FCHSD2: variants seen among roughly 807,000 people sequenced by gnomAD.
FCHSD2 encodes the protein F-BAR and double SH3 domains protein 2.
A neutral mutation model predicts 108.1 loss-of-function variants in FCHSD2; 38 were observed. That is an observed-to-expected ratio of 0.35 (90% CI 0.27 to 0.46). The LOEUF (loss-of-function observed/expected upper bound fraction) is 0.46, where lower values mean the gene tolerates loss of function less well. Ranked by LOEUF, FCHSD2 falls within the 20% of genes least tolerant of loss-of-function variation. The pLI is 1.00. For missense variants in FCHSD2, 751 were observed against 897.8 expected (o/e 0.84, Z 2.09); for synonymous variants, 279 against 314.7 (o/e 0.89, Z 1.20).
chr11:72,962,700 A>C (rs994263916), intron 8 of FCHSD2, among the ~76,000 whole-genome samples: 22 of 152,130 alleles, frequency 1.4e-4, no homozygotes, highest in Admixed American at 1.2e-3. Context: ...ATGGTTAAAC[A>C]AATAGCTTTG....
chr11:72,940,942 CA>C, intron 8 of FCHSD2: 1 of 775,896 alleles, frequency 1.3e-6, no homozygotes, highest in Non-Finnish European at 2.3e-6. Context: ...TCCTGACACC[CA>C]ATGGATCACC....
intron 13 of FCHSD2, among the ~76,000 whole-genome samples, chr11:72,859,268 T>G (rs1861509556): frequency 6.6e-6 from 1 of 152,210 alleles, no homozygotes; most frequent in African/African-American, 2.4e-5. Flanking sequence ...CATTTTAGTG[T>G]TTCAGTCTGT....
chr11:72,973,711 C>G (rs1214162140), intron 8 of FCHSD2, among the ~76,000 whole-genome samples: 1 of 152,142 alleles, frequency 6.6e-6, no homozygotes, highest in Non-Finnish European at 1.5e-5. Flanking sequence ...TTATTATTTT[C>G]AGCATATTTA....
At chr11:72,900,668 A>C (rs1322835925) in intron 10 of FCHSD2, among the ~76,000 whole-genome samples, 1 of 33,180 alleles carries the variant, frequency 3.0e-5, no homozygotes, top group Non-Finnish European at 5.5e-5. Context: ...GCAAAAGCTG[A>C]TTTGATTAAA....
intron 1 of FCHSD2, among the ~76,000 whole-genome samples, chr11:73,140,371 G>C (rs1861218115): frequency 6.6e-6 from 1 of 152,138 alleles, no homozygotes; most frequent in Non-Finnish European, 1.5e-5. Context: ...CTAAAGACGT[G>C]CAAAATAAAC....
intron 8 of FCHSD2, among the ~76,000 whole-genome samples, chr11:72,933,839 T>C (rs1375036134): frequency 1.3e-5 from 2 of 152,166 alleles, no homozygotes; most frequent in African/African-American, 2.4e-5. Context: ...CTGGGTACAG[T>C]GGCTCATGCC....
chr11:72,978,080 A>G (rs1272502826), intron 8 of FCHSD2, among the ~76,000 whole-genome samples: 8 of 151,546 alleles, frequency 5.3e-5, no homozygotes, highest in African/African-American at 1.5e-4. Flanking sequence ...CAAACACCAC[A>G]TGTTCTCACT....
At chr11:73,057,671 T>G (rs1859058626) in intron 3 of FCHSD2, among the ~76,000 whole-genome samples, 1 of 152,016 alleles carries the variant, frequency 6.6e-6, no homozygotes, top group Admixed American at 6.6e-5. Context: ...ATGCCAAGAC[T>G]CCCAGTTTAT....
intron 8 of FCHSD2, among the ~76,000 whole-genome samples, chr11:72,948,106 C>CAAGT (rs1356633245): frequency 6.6e-6 from 1 of 152,162 alleles, no homozygotes; most frequent in African/African-American, 2.4e-5. Flanking sequence ...CTCTGGGTTT[C>CAAGT]AAGTAATTCT....
At chr11:73,074,070 T>TA (rs1183365228) in intron 3 of FCHSD2, among the ~76,000 whole-genome samples, 1 of 152,090 alleles carries the variant, frequency 6.6e-6, no homozygotes, top group African/African-American at 2.4e-5. Context: ...ACAAAGTACT[T>TA]AAAACAGTGT....
chr11:73,120,380 CAAT>C (rs1320139564), intron 2 of FCHSD2, among the ~76,000 whole-genome samples: 2 of 152,158 alleles, frequency 1.3e-5, no homozygotes, highest in African/African-American at 4.8e-5. Flanking sequence ...AATTGGCCAA[CAAT>C]GTCTCATTTG....
intron 3 of FCHSD2, among the ~76,000 whole-genome samples, chr11:73,030,141 T>C (rs1197195786): frequency 6.6e-6 from 1 of 152,200 alleles, no homozygotes; most frequent in Non-Finnish European, 1.5e-5. Context: ...TGCTACATGA[T>C]AGCAGTACCC....
intron 3 of FCHSD2, among the ~76,000 whole-genome samples, chr11:73,076,669 T>C (rs1304274989): frequency 6.6e-6 from 1 of 152,218 alleles, no homozygotes; most frequent in Non-Finnish European, 1.5e-5. Context: ...TACTTAAGAT[T>C]GATGAATCAT....
intron 8 of FCHSD2, among the ~76,000 whole-genome samples, chr11:72,965,059 GATTACAGGC>G (rs1163601656): frequency 6.6e-6 from 1 of 152,046 alleles, no homozygotes; most frequent in Non-Finnish European, 1.5e-5. Flanking sequence ...AAAGTGCTGG[GATTACAGGC>G]ATGAGCCACC....
intron 3 of FCHSD2, among the ~76,000 whole-genome samples, chr11:73,020,258 C>T (rs555789587): frequency 1.3e-5 from 2 of 152,298 alleles, no homozygotes; most frequent in East Asian, 3.9e-4. Flanking sequence ...AGGAAATGGA[C>T]TGATGGCTTA....
intron 2 of FCHSD2, among the ~76,000 whole-genome samples, chr11:73,094,207 G>A (rs374530016): frequency 3.9e-5 from 6 of 151,954 alleles, no homozygotes; most frequent in East Asian, 2.0e-4. Flanking sequence ...CAAGACTCTT[G>A]TCTCCCTGCA....
chr11:72,965,397 C>T (rs1856889766), intron 8 of FCHSD2, among the ~76,000 whole-genome samples: 1 of 152,218 alleles, frequency 6.6e-6, no homozygotes, highest in African/African-American at 2.4e-5. Context: ...AAACAATACA[C>T]AGTTCCTCCT....
chr11:73,059,023 G>A (rs1591521038), intron 3 of FCHSD2, among the ~76,000 whole-genome samples: 1 of 152,080 alleles, frequency 6.6e-6, no homozygotes, highest in African/African-American at 2.4e-5. Context: ...TCCCATTTTA[G>A]TTTTTAAGCT....
At chr11:73,096,536 G>A (rs998263307) in intron 2 of FCHSD2, among the ~76,000 whole-genome samples, 1 of 152,014 alleles carries the variant, frequency 6.6e-6, no homozygotes, top group Non-Finnish European at 1.5e-5. Context: ...GGGTGGCAGA[G>A]CAAAGGAAAG....
Sources: gnomAD v4.1 joint callset for allele counts (sites outside exome capture counted in the v4.1 genomes callset) on GRCh38, gnomAD v4.1.1 for gene constraint, MANE v1.5 for transcripts, NCBI Gene and HGNC (gene_info 2026-07-23, HGNC 2026-07-21) for gene names.